WWOX: variants seen among roughly 807,000 people sequenced by gnomAD.
WWOX encodes WW domain containing oxidoreductase, also known as WW domain-containing oxidoreductase.
WWOX carries 69 observed loss-of-function variants against 46.2 expected under a neutral mutation model. That is an observed-to-expected ratio of 1.49 (90% confidence interval 1.23 to 1.82). WWOX has a LOEUF of 1.82. Ranked by LOEUF, WWOX falls within the 40% of genes most tolerant of loss-of-function variation. WWOX has a pLI of 0.00. For missense variants in WWOX, 919 were observed against 542.6 expected (o/e 1.69, Z -6.89); for synonymous variants, 359 against 202.6 (o/e 1.77, Z -6.56).
chr16:78,660,356 G>A (rs1184267869), intron 8 of WWOX, among the ~76,000 whole-genome samples: 3 of 152,152 alleles, frequency 2.0e-5, no homozygotes, highest in Non-Finnish European at 4.4e-5. Context: ...GAGGTATGTT[G>A]TGGGCTTGGG....
chr16:78,794,902 T>G (rs2050697815), intron 8 of WWOX, among the ~76,000 whole-genome samples: 1 of 152,228 alleles, frequency 6.6e-6, no homozygotes, highest in South Asian at 2.1e-4. Flanking sequence ...ACTTGCCTTT[T>G]GTATGTTAGC....
intron 8 of WWOX, among the ~76,000 whole-genome samples, chr16:78,841,820 T>G (rs2052158970): frequency 6.6e-6 from 1 of 152,192 alleles, no homozygotes; most frequent in Admixed American, 6.5e-5. Context: ...ATTATGTGTG[T>G]GGGTAGATTA....
At chr16:78,944,607 A>T (rs1332268139) in intron 8 of WWOX, among the ~76,000 whole-genome samples, 1 of 152,174 alleles carries the variant, frequency 6.6e-6, no homozygotes, top group African/African-American at 2.4e-5. Flanking sequence ...TTTCCCAAAG[A>T]TCATACTGGG....
intron 8 of WWOX, among the ~76,000 whole-genome samples, chr16:78,932,648 G>A (rs555964872): frequency 5.9e-5 from 9 of 152,316 alleles, no homozygotes; most frequent in African/African-American, 1.9e-4. Context: ...CTGCAGCTGC[G>A]GCCTCTGGGG....
chr16:78,811,648 G>A (rs1223266678), intron 8 of WWOX, among the ~76,000 whole-genome samples: 1 of 152,044 alleles, frequency 6.6e-6, no homozygotes. Context: ...TGGGATTACA[G>A]GCATGAGCCA....
At chr16:78,796,860 C>T (rs890782803) in intron 8 of WWOX, among the ~76,000 whole-genome samples, 7 of 146,746 alleles carry the variant, frequency 4.8e-5, no homozygotes, top group Non-Finnish European at 1.0e-4. Context: ...TAGTCTCACT[C>T]TGTCACCTAG....
chr16:78,974,826 G>A (rs1251985814), intron 8 of WWOX, among the ~76,000 whole-genome samples: 1 of 152,120 alleles, frequency 6.6e-6, no homozygotes, highest in African/African-American at 2.4e-5. Flanking sequence ...AACCTAAGCC[G>A]GGAAGCAGAG....
chr16:78,614,405 T>G (rs892011575), intron 8 of WWOX, among the ~76,000 whole-genome samples: 1 of 152,240 alleles, frequency 6.6e-6, no homozygotes, highest in Non-Finnish European at 1.5e-5. Context: ...GAGTCCACAT[T>G]GCTGCCTTTG....
rs916602052 is a variant in WWOX, at chr16:78,194,549, C to G, written c.516+30260C>G. Among the ~76,000 whole-genome samples, 3 of 144,554 alleles carry G rather than the reference C, an allele frequency of 2.1e-5. No individual in the cohort carries two copies. In the Admixed American group the frequency reaches 2.2e-4, roughly 10 times the overall value. The allele number at this position is 144,554 out of a possible 152,430, so 94.8% of individuals were successfully genotyped here. ...GTTGCAGTGAGCTGAGATCATGCTA[C>G]TGCACTCCAGGCTGGGCGACAGAGT... On this transcript the variant is annotated intron_variant, in intron 5 of 8. Transcript: ENST00000566780.
chr16:79,075,752 C>T (rs767991965), intron 8 of WWOX, among the ~76,000 whole-genome samples: 2 of 152,066 alleles, frequency 1.3e-5, no homozygotes, highest in Non-Finnish European at 2.9e-5. Context: ...GGGGTCTCAT[C>T]TGGTGATTTT....
intron 8 of WWOX, among the ~76,000 whole-genome samples, chr16:78,766,061 A>G (rs1156262235): frequency 1.3e-5 from 2 of 152,244 alleles, no homozygotes; most frequent in Non-Finnish European, 2.9e-5. Context: ...TGACATGAGC[A>G]GTTCCAAAGG....
intron 8 of WWOX, among the ~76,000 whole-genome samples, chr16:79,158,030 A>G (rs2050415611): frequency 6.6e-6 from 1 of 152,182 alleles, no homozygotes; most frequent in Admixed American, 6.5e-5. Flanking sequence ...GGTGCCCCCA[A>G]GTGAGTTGTT....
intron 8 of WWOX, among the ~76,000 whole-genome samples, chr16:78,952,269 G>T (rs2151303288): frequency 6.6e-6 from 1 of 152,116 alleles, no homozygotes; most frequent in South Asian, 2.1e-4. Context: ...CTGTCTCTAG[G>T]AAGCCTTCCA....
intron 8 of WWOX, among the ~76,000 whole-genome samples, chr16:78,574,557 G>A (rs1049317544): frequency 6.6e-6 from 1 of 152,076 alleles, no homozygotes; most frequent in Non-Finnish European, 1.5e-5. Flanking sequence ...TGCCTTCAAA[G>A]ACTACTACCT....
chr16:79,057,217 C>G, intron 8 of WWOX, among the ~76,000 whole-genome samples: 1 of 152,142 alleles, frequency 6.6e-6, no homozygotes, highest in Non-Finnish European at 1.5e-5. Context: ...CAAGAATTGC[C>G]TGGACCTCTT....
At chr16:78,816,525 T>C (rs2051334763) in intron 8 of WWOX, among the ~76,000 whole-genome samples, 1 of 144,024 alleles carries the variant, frequency 6.9e-6, no homozygotes, top group African/African-American at 2.7e-5. Flanking sequence ...TTTTTTTTTT[T>C]TTTTTTTGAT....
intron 8 of WWOX, among the ~76,000 whole-genome samples, chr16:79,050,703 C>A (rs370511055): frequency 6.6e-6 from 1 of 152,266 alleles, no homozygotes; most frequent in South Asian, 2.1e-4. Flanking sequence ...AAAAATCAAT[C>A]TGGCGAAATG....
At chr16:78,872,366 T>G (rs1286267424) in intron 8 of WWOX, among the ~76,000 whole-genome samples, 1 of 152,164 alleles carries the variant, frequency 6.6e-6, no homozygotes, top group Non-Finnish European at 1.5e-5. Flanking sequence ...AAGTTATAAT[T>G]AAAGCTATTA....
intron 5 of WWOX, among the ~76,000 whole-genome samples, chr16:78,317,894 TAGA>T (rs2151881043): frequency 6.6e-6 from 1 of 152,350 alleles, no homozygotes; most frequent in African/African-American, 2.4e-5. Flanking sequence ...GTTTCTGTTT[TAGA>T]AGACATTGCT....
Sources: allele counts gnomAD v4.1 joint callset (sites outside exome capture counted in the v4.1 genomes callset), GRCh38; gene constraint gnomAD v4.1.1; transcripts MANE v1.5; gene names NCBI Gene and HGNC (gene_info 2026-07-23, HGNC 2026-07-21).